The following FAF1 variants were observed in gnomAD, a reference collection of about 807,000 sequenced individuals.
The protein encoded by FAF1 is Fas associated factor 1.
A neutral mutation model predicts 92.5 loss-of-function variants in FAF1; 25 were observed. That is an observed-to-expected ratio of 0.27 (90% CI 0.20 to 0.38). FAF1 has a LOEUF of 0.38. Ranked by LOEUF, FAF1 falls within the 10% of genes least tolerant of loss-of-function variation. FAF1 has a pLI of 1.00. For synonymous variants in FAF1, 234 were observed against 273.2 expected (o/e 0.86, Z 1.42); for missense variants, 636 against 793.3 (o/e 0.80, Z 2.38).
intron 7 of FAF1, among the ~76,000 whole-genome samples, chr1:50,702,571 TACTGTC>T (rs1258601113): frequency 1.3e-5 from 2 of 152,116 alleles, no homozygotes; most frequent in Admixed American, 1.3e-4. Flanking sequence ...GACCTTTTTA[TACTGTC>T]ACTGCTTTCT....
At chr1:50,759,359 T>C (rs1298641788) in intron 4 of FAF1, among the ~76,000 whole-genome samples, 1 of 138,562 alleles carries the variant, frequency 7.2e-6, no homozygotes, top group Non-Finnish European at 1.5e-5. Context: ...TGTCCAAGTG[T>C]TCTCATTGTT....
chr1:50,930,751 C>T (rs1029909343), intron 1 of FAF1, among the ~76,000 whole-genome samples: 2 of 151,960 alleles, frequency 1.3e-5, no homozygotes, highest in Admixed American at 6.6e-5. Context: ...TGCAATGAGC[C>T]GAGATCGTGC....
chr1:50,710,487 A>G (rs904529876), intron 6 of FAF1, among the ~76,000 whole-genome samples: 3 of 152,144 alleles, frequency 2.0e-5, no homozygotes, highest in Admixed American at 1.3e-4. Context: ...TCTTTCAACC[A>G]TATTTATTGA....
At chr1:50,664,850 T>C (rs1655555105) in intron 7 of FAF1, among the ~76,000 whole-genome samples, 1 of 152,198 alleles carries the variant, frequency 6.6e-6, no homozygotes, top group Non-Finnish European at 1.5e-5. Context: ...TATCGTAGGC[T>C]AGCTGAAACA....
chr1:50,809,301 TAA>T (rs1438335676), intron 2 of FAF1, among the ~76,000 whole-genome samples: 3 of 151,422 alleles, frequency 2.0e-5, no homozygotes, highest in Non-Finnish European at 4.4e-5. Flanking sequence ...AAACAGCATA[TAA>T]AAGATCAATA....
intron 2 of FAF1, among the ~76,000 whole-genome samples, chr1:50,815,141 C>T (rs970719529): frequency 1.3e-5 from 2 of 152,062 alleles, no homozygotes; most frequent in Non-Finnish European, 2.9e-5. Context: ...TGTTACATGG[C>T]TATATTGCAT....
chr1:50,445,217 T>A (rs1266846487), intron 18 of FAF1, among the ~76,000 whole-genome samples: 1 of 152,160 alleles, frequency 6.6e-6, no homozygotes, highest in African/African-American at 2.4e-5. Context: ...ATGTATAGTG[T>A]TTTATCCCTC....
intron 15 of FAF1, among the ~76,000 whole-genome samples, chr1:50,505,375 A>C (rs1471087757): frequency 6.6e-6 from 1 of 152,162 alleles, no homozygotes; most frequent in Non-Finnish European, 1.5e-5. Context: ...TCCTCTCCAA[A>C]ATGGCAGCCT....
Position 50,788,073 on chromosome 1 carries a change from A to C in FAF1, c.294T>G (p.Pro98=). The C allele has an allele frequency of 3.1e-6, 5 of 1,614,130 alleles. No individual in the cohort carries two copies. Among genetic ancestry groups the C allele is most frequent in the Non-Finnish European group, 4.2e-6 (5 of 1,180,004 alleles). Residue 98 remains proline (P), a synonymous_variant, in exon 4 of 19, where the codon CCT becomes CCG. Coordinates refer to ENST00000396153, the MANE Select transcript of FAF1 (RefSeq NM_007051.3). The stretch of plus-strand genomic sequence containing the variant: ...ATTCAACCCTGAAGTCCAGCATCCG[A>C]GGTTGCCTTTCTACAATCTGCCTGG... ...MPSRQIVERQ[P]RMLDFRVEYR... is the part of the protein sequence containing the mutation.
At chr1:50,694,133 T>C (rs1232540593) in intron 7 of FAF1, among the ~76,000 whole-genome samples, 1 of 143,092 alleles carries the variant, frequency 7.0e-6, no homozygotes, top group Non-Finnish European at 1.5e-5. Context: ...AAATACCTTA[T>C]TAAGATTTCC....
At chr1:50,507,935 G>A (rs1647080377) in intron 15 of FAF1, among the ~76,000 whole-genome samples, 1 of 152,168 alleles carries the variant, frequency 6.6e-6, no homozygotes, top group South Asian at 2.1e-4. Flanking sequence ...TTTTCAAAGT[G>A]TCAGAATTAG....
chr1:50,645,007 ACTTTT>A (rs146182378), intron 8 of FAF1, among the ~76,000 whole-genome samples: 3,159 of 152,248 alleles, frequency 0.021, 104 homozygotes, highest in African/African-American at 0.07. Context: ...TCATTTCACA[ACTTTT>A]CTTTTCTTTT....
At chr1:50,841,472 T>A (rs1644255706) in intron 2 of FAF1, among the ~76,000 whole-genome samples, 1 of 152,004 alleles carries the variant, frequency 6.6e-6, no homozygotes, top group Admixed American at 6.6e-5. Context: ...GTTTTAAATT[T>A]TTCAATAATA....
At chr1:50,602,532 TCA>T (rs1217013834) in intron 8 of FAF1, among the ~76,000 whole-genome samples, 1 of 149,216 alleles carries the variant, frequency 6.7e-6, no homozygotes, top group Non-Finnish European at 1.5e-5. Flanking sequence ...AGACAGAGTC[TCA>T]CTCTGCCACC....
chr1:50,862,488 T>C (rs747567862), intron 1 of FAF1, among the ~76,000 whole-genome samples: 1 of 151,824 alleles, frequency 6.6e-6, no homozygotes, highest in African/African-American at 2.4e-5. Context: ...CACAGTCAGA[T>C]AGAGGAATAA....
intron 6 of FAF1, among the ~76,000 whole-genome samples, chr1:50,729,036 A>ATCTATCTATCTATCTATC (rs753561961): frequency 6.3e-5 from 6 of 95,250 alleles, no homozygotes; most frequent in African/African-American, 1.5e-4. Flanking sequence ...CTATCTATCT[A>ATCTATCTATCTATCTATC]TATATATATA....
chr1:50,468,457 T>A (rs1308213136), intron 18 of FAF1, among the ~76,000 whole-genome samples: 1 of 139,120 alleles, frequency 7.2e-6, no homozygotes, highest in African/African-American at 2.9e-5. Flanking sequence ...TACACTTGGC[T>A]AATTTTTTTT....
intron 7 of FAF1, among the ~76,000 whole-genome samples, chr1:50,657,315 T>C (rs1357113176): frequency 6.6e-6 from 1 of 150,784 alleles, no homozygotes; most frequent in Admixed American, 6.6e-5. Flanking sequence ...TTATCCATTT[T>C]AATTAATTCT....
At chr1:50,646,042 G>A (rs780435930) in intron 8 of FAF1, among the ~76,000 whole-genome samples, 3 of 152,012 alleles carry the variant, frequency 2.0e-5, no homozygotes, top group Non-Finnish European at 4.4e-5. Context: ...ACTTCATATG[G>A]TCCCACCTAA....
Sources: allele counts gnomAD v4.1 joint callset (sites outside exome capture counted in the v4.1 genomes callset), GRCh38; gene constraint gnomAD v4.1.1; transcripts MANE v1.5; gene names NCBI Gene and HGNC (gene_info 2026-07-23, HGNC 2026-07-21).